The following MAB21L3 variants were observed in gnomAD, a reference collection of about 807,000 sequenced individuals.
MAB21L3 encodes the protein mab-21 like 3.
In MAB21L3, 36 loss-of-function variants were observed where a neutral mutation model predicts 37.7. The observed-to-expected ratio is 0.96, with a 90% CI of 0.73 to 1.26. The LOEUF (loss-of-function observed/expected upper bound fraction) is 1.26. Ranked by LOEUF, MAB21L3 falls within the 50% of genes most tolerant of loss-of-function variation. The pLI, the probability that MAB21L3 is intolerant of heterozygous loss-of-function variation, is 0.00. For synonymous variants in MAB21L3, 186 were observed against 176.8 expected (o/e 1.05, Z -0.41); for missense variants, 430 against 447.3 (o/e 0.96, Z 0.35).
intron 5 of MAB21L3, 66 bp downstream of exon 5, chr1:116,124,423 T>C: frequency 1.4e-6 from 2 of 1,454,436 alleles, no homozygotes; most frequent in Non-Finnish European, 1.9e-6. Flanking sequence ...ATAAAACCTC[T>C]GTTTGGGTGT....
At chr1:116,126,850 T>A (rs1385013441) in intron 5 of MAB21L3, among the ~76,000 whole-genome samples, 1 of 152,210 alleles carries the variant, frequency 6.6e-6, no homozygotes, top group African/African-American at 2.4e-5. Flanking sequence ...ACATGTTTAG[T>A]AGAACCCATA....
chr1:116,128,029 G>A, intron 6 of MAB21L3, 116 bp from the exon 7 acceptor site: 2 of 1,081,110 alleles, frequency 1.8e-6, no homozygotes, highest in East Asian at 2.5e-5. Context: ...CCCCACGTAG[G>A]ATGTGCTGTC....
At chr1:116,123,795 T>C in intron 4 of MAB21L3, 1 of 357,496 alleles carries the variant, frequency 2.8e-6, no homozygotes, top group Non-Finnish European at 5.1e-6. Context: ...CTGGAGTTCC[T>C]GGTTTAGTTC....
Position 116,124,184 on chromosome 1 carries a change from C to G in MAB21L3, c.308C>G (p.Pro103Arg). The change falls in exon 5 of 8, where the codon CCG (proline) becomes CGG (arginine). Residue 103 changes from proline (P) to arginine (R), a missense_variant. By Grantham distance (103) the Pro-to-Arg change is moderately radical (BLOSUM62 -2). Transcript: ENST00000369500. ...YTLQGTRLPC[P>R]LRDPEGLQQW... Reference sequence around the variant, plus strand: ...CTGCAGGGCACCAGGCTGCCCTGCCCGTTGCGGGACCCTGAGGGTCTGCAG... The same window carrying G: ...CTGCAGGGCACCAGGCTGCCCTGCCGGTTGCGGGACCCTGAGGGTCTGCAG... The G allele has an allele frequency of 6.2e-7, 1 of 1,614,158 alleles. No individual in the cohort carries two copies. Among genetic ancestry groups the G allele is most frequent in the Non-Finnish European group, 8.5e-7 (1 of 1,180,040 alleles).
chr1:116,121,344 AGT>A (rs1659743000), intron 4 of MAB21L3, among the ~76,000 whole-genome samples: 1 of 152,192 alleles, frequency 6.6e-6, no homozygotes, highest in Non-Finnish European at 1.5e-5. Flanking sequence ...TGGGCAATGT[AGT>A]GAGATTCTGT....
At chr1:116,130,140 A>T (rs957393509) in intron 7 of MAB21L3, among the ~76,000 whole-genome samples, 3 of 152,236 alleles carry the variant, frequency 2.0e-5, no homozygotes, top group Admixed American at 6.5e-5. Flanking sequence ...CCTCTCAATT[A>T]AGATGGATGG....
At position 116,128,300 on chromosome 1, in the gene MAB21L3, C is replaced by A; in HGVS notation, c.816C>A (p.Cys272Ter). The change falls in exon 7 of 8, where the codon TGC becomes TGA. Residue 272 changes from cysteine to a stop codon, truncating the protein, a stop_gained. Coordinates refer to ENST00000369500, the MANE Select transcript of MAB21L3 (RefSeq NM_152367.3). LOFTEE classifies it high-confidence loss of function. ...VMRHLKEDIW[C>*]PGNRPVITSH... ...GGCACCTGAAGGAGGACATCTGGTG[C>A]CCAGGGAACAGGCCGGTTATCACGT... 6.2e-7 allele frequency: 1 copy of A among 1,613,728 alleles called. No individual in the cohort carries two copies. Among genetic ancestry groups the A allele is most frequent in the Non-Finnish European group, 8.5e-7 (1 of 1,179,950 alleles).
intron 7 of MAB21L3, among the ~76,000 whole-genome samples, chr1:116,129,856 C>A (rs189330308): frequency 6.6e-6 from 1 of 152,168 alleles, no homozygotes; most frequent in South Asian, 2.1e-4. Flanking sequence ...TTTTGACCTG[C>A]GGAAGAATCT....
At chr1:116,118,473 T>C (rs1177967140) in intron 3 of MAB21L3, among the ~76,000 whole-genome samples, 3 of 152,086 alleles carry the variant, frequency 2.0e-5, no homozygotes, top group African/African-American at 7.2e-5. Context: ...GTGCACCTCT[T>C]CCCCACCATT....
Position 116,135,943 on chromosome 1 carries a change from A to G in MAB21L3, c.*2578A>G, listed in dbSNP as rs1006218730. On this transcript the variant is annotated 3_prime_UTR_variant, in exon 8 of 8. Coordinates refer to ENST00000369500, the MANE Select transcript of MAB21L3 (RefSeq NM_152367.3). ...AAATTCAACAACCTTCATGCTAAAA[A>G]CTCTCAATAAATTAGGTATTGATGG... Among the ~76,000 whole-genome samples, 2 of 150,936 alleles carry G rather than the reference A, an allele frequency of 1.3e-5. No homozygotes were observed. Among genetic ancestry groups the G allele is most frequent in the Admixed American group, 1.3e-4 (2 of 15,190 alleles).
chr1:116,133,691 T>C lies in MAB21L3; in HGVS notation c.*326T>C, dbSNP rs1237898745. 1.0e-5 allele frequency: 4 copies of C among 394,188 alleles called. No homozygotes were observed. The highest frequency in any genetic ancestry group is 1.9e-5 in the Non-Finnish European group (4 of 212,430). 24.4% of individuals were successfully genotyped at this position (394,188 alleles called of 1,614,324 possible). On this transcript the variant is annotated 3_prime_UTR_variant, in exon 8 of 8. Transcript: ENST00000369500. Reference sequence around the variant, plus strand: ...TGTTCAGGCTGTGATCGTCTCACAGTGAAGATGGAGACAGAACCCCTGGAA... The same window carrying C: ...TGTTCAGGCTGTGATCGTCTCACAGCGAAGATGGAGACAGAACCCCTGGAA...
At chr1:116,113,016 T>A (rs1659474032) in intron 3 of MAB21L3, among the ~76,000 whole-genome samples, 1 of 152,146 alleles carries the variant, frequency 6.6e-6, no homozygotes, top group Non-Finnish European at 1.5e-5. Flanking sequence ...AATAGGAGCT[T>A]CATGGGGTAA....
At position 116,115,046 on chromosome 1, in the gene MAB21L3, C is replaced by T. The variant is rs143978326; in HGVS notation, c.48+2383C>T. Among the ~76,000 whole-genome samples, 20 of 152,264 alleles carry T rather than the reference C, an allele frequency of 1.3e-4. No individual in the cohort carries two copies. The East Asian group carries it at 3.5e-3, about 26-fold the overall frequency. On this transcript the variant is annotated intron_variant, in intron 3 of 7. Coordinates refer to ENST00000369500, the MANE Select transcript of MAB21L3 (RefSeq NM_152367.3). ...TACAAATATGGGCTTTGGAAGGCTG[C>T]TACCTGTGTTCTGTAACTTACTAAC...
intron 3 of MAB21L3, 81 bp from the exon 4 acceptor site, chr1:116,120,851 C>A: frequency 6.4e-7 from 1 of 1,554,408 alleles, no homozygotes; most frequent in Non-Finnish European, 8.7e-7. Flanking sequence ...TTGCTGTACC[C>A]TTGTCTCCTC....
chr1:116,112,592 C>T lies in MAB21L3; in HGVS notation c.-24C>T. ...AAAAAAAAACCAGGAAGTTGCTGTT[C>T]TACTGAGGACTGACCAAGAAGCCAT... On this transcript the variant is annotated 5_prime_UTR_variant, in exon 3 of 8. Transcript: ENST00000369500. 1 of 1,602,454 alleles carries T rather than the reference C, an allele frequency of 6.2e-7. No homozygotes were observed. Among genetic ancestry groups the T allele is most frequent in the South Asian group, 1.1e-5 (1 of 89,240 alleles).
chr1:116,132,219 T>C (rs918413129), intron 7 of MAB21L3, among the ~76,000 whole-genome samples: 1 of 152,082 alleles, frequency 6.6e-6, no homozygotes, highest in Non-Finnish European at 1.5e-5. Context: ...AACATAGAGC[T>C]GAGGAATGAA....
intron 5 of MAB21L3, among the ~76,000 whole-genome samples, chr1:116,124,986 T>C (rs992457579): frequency 3.7e-5 from 5 of 133,894 alleles, no homozygotes; most frequent in Non-Finnish European, 6.6e-5. Flanking sequence ...TATAAATCAA[T>C]AAGAAAAAAG....
rs1659830414 is a variant in MAB21L3 at position 116,124,192 on chromosome 1, G to A, written c.316G>A (p.Asp106Asn). 1 of 1,614,216 alleles carries A rather than the reference G, an allele frequency of 6.2e-7. No homozygotes were observed. The highest frequency in any genetic ancestry group is 8.5e-7 in the Non-Finnish European group (1 of 1,180,038). Residue 106 changes from aspartate (D) to asparagine (N), a missense_variant, in exon 5 of 8, where the codon GAC becomes AAC. Coordinates refer to ENST00000369500, the MANE Select transcript of MAB21L3 (RefSeq NM_152367.3). The stretch of plus-strand genomic sequence containing the variant: ...CACCAGGCTGCCCTGCCCGTTGCGG[G>A]ACCCTGAGGGTCTGCAGCAGTGGCT... The part of the protein sequence containing the change: ...QGTRLPCPLR[D>N]PEGLQQWLEV...
At chr1:116,117,186 T>TATATA (rs1553230670) in intron 3 of MAB21L3, among the ~76,000 whole-genome samples, 1 of 146,070 alleles carries the variant, frequency 6.8e-6, no homozygotes, top group East Asian at 2.0e-4. Flanking sequence ...TATATATATA[T>TATATA]ATATATGTAT....
Sources: gnomAD v4.1 joint callset for allele counts (sites outside exome capture counted in the v4.1 genomes callset) on GRCh38, gnomAD v4.1.1 for gene constraint, MANE v1.5 for transcripts, NCBI Gene and HGNC (gene_info 2026-07-23, HGNC 2026-07-21) for gene names.